Variants in SSH2 observed in about 807,000 individuals in gnomAD.
SSH2 encodes the protein protein phosphatase Slingshot homolog 2.
Under a neutral mutation model 135.2 loss-of-function variants are expected in SSH2, and 37 were observed. That is an observed-to-expected ratio of 0.27 (90% CI 0.21 to 0.36). The LOEUF is 0.36. Ranked by LOEUF, SSH2 falls within the 10% of genes least tolerant of loss-of-function variation. SSH2 has a pLI of 1.00. For synonymous variants in SSH2, 628 were observed against 646.2 expected (o/e 0.97, Z 0.43); for missense variants, 1,408 against 1,765.3 (o/e 0.80, Z 3.63).
At chr17:29,727,295 C>T (rs2040034510) in intron 3 of SSH2, among the ~76,000 whole-genome samples, 1 of 152,054 alleles carries the variant, frequency 6.6e-6, no homozygotes, top group South Asian at 2.1e-4. Context: ...CAGCTTCGAT[C>T]AAAAGAAGAC....
At chr17:29,787,804 TCAC>T (rs1189800625) in intron 3 of SSH2, 1 of 151,912 alleles carries the variant, frequency 6.6e-6, no homozygotes, top group East Asian at 1.9e-4. Context: ...CCTTCTTAGC[TCAC>T]CACAGCCTTT....
At chr17:29,829,905 T>C (rs2042812574) in intron 2 of SSH2, among the ~76,000 whole-genome samples, 1 of 149,454 alleles carries the variant, frequency 6.7e-6, no homozygotes, top group Non-Finnish European at 1.5e-5. Context: ...AGTGGTGCAA[T>C]CTCGGTTCAC....
chr17:29,665,692 T>C (rs1240099614), intron 11 of SSH2, among the ~76,000 whole-genome samples: 1 of 152,216 alleles, frequency 6.6e-6, no homozygotes, highest in Non-Finnish European at 1.5e-5. Flanking sequence ...TCTCCATTGA[T>C]TTTAATTATT....
At chr17:29,640,336 A>G (rs1047801196) in intron 14 of SSH2, among the ~76,000 whole-genome samples, 2 of 143,618 alleles carry the variant, frequency 1.4e-5, no homozygotes, top group African/African-American at 4.9e-5. Context: ...TCAGCCTCCC[A>G]AAGTGCTGGG....
At chr17:29,655,540 G>A in intron 12 of SSH2, 21 bp downstream of exon 12, 1 of 1,612,616 alleles carries the variant, frequency 6.2e-7, no homozygotes, top group Admixed American at 1.7e-5. Flanking sequence ...AGGGGTGCCA[G>A]CTATTGCTTT....
chr17:29,786,119 G>A (rs982159811), intron 3 of SSH2, among the ~76,000 whole-genome samples: 1 of 152,164 alleles, frequency 6.6e-6, no homozygotes, highest in Non-Finnish European at 1.5e-5. Context: ...TACTTCTATA[G>A]TTATTTTCCT....
At chr17:29,755,656 C>CTTTTCT (rs1356270061) in intron 3 of SSH2, among the ~76,000 whole-genome samples, 2 of 151,138 alleles carry the variant, frequency 1.3e-5, no homozygotes, top group South Asian at 4.2e-4. Context: ...TTTTAATTTT[C>CTTTTCT]TTTTCTTTTT....
At chr17:29,661,735 C>A (rs2037051595) in intron 11 of SSH2, among the ~76,000 whole-genome samples, 1 of 152,184 alleles carries the variant, frequency 6.6e-6, no homozygotes, top group Non-Finnish European at 1.5e-5. Flanking sequence ...GGAACTCTGT[C>A]CAGTTAGATG....
intron 7 of SSH2, 87 bp downstream of exon 7, chr17:29,677,586 G>T: frequency 9.1e-7 from 1 of 1,095,274 alleles, no homozygotes. Context: ...GGCACACTGG[G>T]CCTCCCTTTT....
At chr17:29,868,166 A>G (rs2065883749) in intron 1 of SSH2, among the ~76,000 whole-genome samples, 1 of 152,222 alleles carries the variant, frequency 6.6e-6, no homozygotes, top group South Asian at 2.1e-4. Context: ...TCTGAGAAGA[A>G]TATCACCTGA....
At chr17:29,718,560 TG>T (rs2039706415) in intron 3 of SSH2, among the ~76,000 whole-genome samples, 2 of 151,844 alleles carry the variant, frequency 1.3e-5, no homozygotes, top group Non-Finnish European at 2.9e-5. Flanking sequence ...GGTGAAACCT[TG>T]TCTCTACTAA....
chr17:29,776,174 A>G (rs1033999560), intron 3 of SSH2: 4 of 152,212 alleles, frequency 2.6e-5, no homozygotes, highest in African/African-American at 9.7e-5. Context: ...ATGCTCCTCA[A>G]GCATGCCGTG....
intron 2 of SSH2, among the ~76,000 whole-genome samples, chr17:29,795,355 TTC>T (rs1353649317): frequency 6.6e-6 from 1 of 152,248 alleles, no homozygotes; most frequent in South Asian, 2.1e-4. Flanking sequence ...AAACATGTCT[TTC>T]TCTCTGTCTC....
intron 1 of SSH2, among the ~76,000 whole-genome samples, chr17:29,883,663 G>A (rs1567629487): frequency 6.6e-6 from 1 of 152,102 alleles, no homozygotes; most frequent in Non-Finnish European, 1.5e-5. Flanking sequence ...AGTCACAGAG[G>A]ATGAGTTAAT....
At chr17:29,680,551 C>CAAAA (rs1160865828) in intron 6 of SSH2, among the ~76,000 whole-genome samples, 381 of 21,532 alleles carry the variant, frequency 0.018, 116 homozygotes, top group African/African-American at 0.037. Context: ...GACTCCCTCT[C>CAAAA]AAAAAAAAAA....
intron 1 of SSH2, among the ~76,000 whole-genome samples, chr17:29,920,191 G>T (rs533918372): frequency 5.3e-5 from 8 of 152,286 alleles, no homozygotes; most frequent in African/African-American, 1.7e-4. Context: ...ATGAGCCACC[G>T]CGCCCAGCTA....
intron 2 of SSH2, among the ~76,000 whole-genome samples, chr17:29,837,511 C>T (rs1393650818): frequency 6.6e-6 from 1 of 152,162 alleles, no homozygotes; most frequent in Admixed American, 6.5e-5. Flanking sequence ...GCAGCAGGAG[C>T]AGCTATGGGA....
intron 6 of SSH2, among the ~76,000 whole-genome samples, chr17:29,682,451 A>G (rs774882965): frequency 1.3e-5 from 2 of 152,216 alleles, no homozygotes; most frequent in Admixed American, 6.5e-5. Flanking sequence ...ACTAGTTAGA[A>G]CTGAGGAATT....
intron 3 of SSH2, among the ~76,000 whole-genome samples, chr17:29,717,084 G>A (rs116275359): frequency 4.4e-4 from 67 of 152,104 alleles, no homozygotes; most frequent in African/African-American, 1.6e-3. Flanking sequence ...CCTATCCACC[G>A]CCCTTAAAAC....
Sources: gnomAD v4.1 joint callset for allele counts (sites outside exome capture counted in the v4.1 genomes callset) on GRCh38, gnomAD v4.1.1 for gene constraint, MANE v1.5 for transcripts, NCBI Gene and HGNC (gene_info 2026-07-23, HGNC 2026-07-21) for gene names.